The following OR8D1 variants were observed in gnomAD, a reference collection of about 807,000 sequenced individuals.
OR8D1 encodes the protein olfactory receptor family 8 subfamily D member 1, also known as olfactory receptor 8D1.
For synonymous variants in OR8D1, 143 were observed against 147.0 expected (o/e 0.97, Z 0.20); for missense variants, 384 against 366.8 (o/e 1.05, Z -0.38).
chr11:124,311,321 A>T (rs1356998986), intron 2 of OR8D1, among the ~76,000 whole-genome samples: 1 of 152,114 alleles, frequency 6.6e-6, no homozygotes, highest in Non-Finnish European at 1.5e-5. Flanking sequence ...CAGTGTAAAA[A>T]TACTGCAGAA....
rs1449459550 is a variant in OR8D1 at position 124,309,341 on chromosome 11, TTTTTCTTTTC to T, written c.*489_*498del. 6.6e-6 allele frequency: 1 copy of T among 152,284 alleles called. No homozygotes were observed. The highest frequency in any genetic ancestry group is 6.5e-5 in the Admixed American group (1 of 15,290). 9.4% of individuals were successfully genotyped at this position (152,284 alleles called of 1,614,324 possible). The stretch of plus-strand genomic sequence containing the variant: ...TAGAATTGCCATTCTTGTTCTTAAC[TTTTTCTTTTC>T]TTTTCTATTCTTTCCTTTTCTTTTC... On this transcript the variant is annotated 3_prime_UTR_variant, in exon 3 of 3. Transcript: ENST00000641015.
intron 1 of OR8D1, among the ~76,000 whole-genome samples, chr11:124,312,973 A>G (rs1862435597): frequency 6.6e-6 from 1 of 151,790 alleles, no homozygotes; most frequent in Admixed American, 6.6e-5. Flanking sequence ...CAGGAGTTCA[A>G]GATTAGCCTT....
In OR8D1 at chr11:124,308,522, G is replaced by T. The variant is rs1044167456; in HGVS notation, c.*1318C>A. The T allele has an allele frequency of 1.3e-5, 2 of 152,082 alleles. No individual in the cohort carries two copies. Among genetic ancestry groups the T allele is most frequent in the African/African-American group, 4.8e-5 (2 of 41,436 alleles). The allele number at this position is 152,082 out of a possible 1,614,324, so 9.4% of individuals were successfully genotyped here. A position where few individuals can be genotyped will look rare whatever the true frequency, so the allele number is the denominator to read the frequency against. ...ACCTGGTTCAACAAACTGATAGGAA[G>T]ATGTATTCTGGGTGAGATTATCAAA... On this transcript the variant is annotated 3_prime_UTR_variant, in exon 3 of 3. Coordinates refer to ENST00000641015, the MANE Select transcript of OR8D1 (RefSeq NM_001002917.2).
rs1174187462 is a variant in OR8D1 at position 124,308,015 on chromosome 11, A to G, written c.*1825T>C. On this transcript the variant is annotated 3_prime_UTR_variant, in exon 3 of 3. Coordinates refer to ENST00000641015, the MANE Select transcript of OR8D1 (RefSeq NM_001002917.2). ...TGCATCTAAATATACTGAGAAAGAG[A>G]AACAGTTCAATTGAATTATTGCAAA... The G allele has an allele frequency of 6.6e-6, 1 of 152,138 alleles. No homozygotes were observed. Among genetic ancestry groups the G allele is most frequent in the Non-Finnish European group, 1.5e-5 (1 of 68,014 alleles). The allele number at this position is 152,138 out of a possible 1,614,324, so 9.4% of individuals were successfully genotyped here. A position where few individuals can be genotyped will look rare whatever the true frequency, so the allele number is the denominator to read the frequency against.
At chr11:124,310,896 C>T in intron 2 of OR8D1, 114 bp from the exon 3 acceptor site, 1 of 653,222 alleles carries the variant, frequency 1.5e-6, no homozygotes, top group Non-Finnish European at 2.6e-6. Context: ...TCATAGTTTT[C>T]ATTGTCTCTA....
In OR8D1 at chr11:124,310,186, A is replaced by G. The variant is rs4936919; in HGVS notation, c.581T>C (p.Leu194Pro). Reference protein sequence around the residue: ...LLNLSCSNTHLNELLLFIIAG... With the variant: ...LLNLSCSNTHPNELLLFIIAG... ...AATGATAAAAAGTAGAAGCTCATTG[A>G]GGTGTGTGTTGGAGCAGGAGAGATT... The change falls in exon 3 of 3, where the codon CTC becomes CCC. Residue 194 changes from leucine (L) to proline (P), a missense_variant. Leu to Pro is a moderately conservative substitution (Grantham distance 98). Coordinates refer to ENST00000641015, the MANE Select transcript of OR8D1 (RefSeq NM_001002917.2). 0.37 allele frequency: 588,904 copies of G among 1,613,162 alleles called. 110,636 individuals are homozygous for G. Among genetic ancestry groups the G allele is most frequent in the East Asian group, 0.43 (19,260 of 44,732 alleles).
rs1242882016 is a variant in OR8D1 at position 124,305,766 on chromosome 11, C to T, written c.*4074G>A. On this transcript the variant is annotated 3_prime_UTR_variant, in exon 3 of 3. Coordinates refer to ENST00000641015, the MANE Select transcript of OR8D1 (RefSeq NM_001002917.2). ...CCCTTTGAATCCCCTGTATTCAACA[C>T]AGACACACAAAAATAATGTTAAAAC... 2.0e-5 allele frequency: 3 copies of T among 151,810 alleles called. No homozygotes were observed. The highest frequency in any genetic ancestry group is 2.0e-4 in the Admixed American group (3 of 15,192). The allele number at this position is 151,810 out of a possible 1,614,324, so 9.4% of individuals were successfully genotyped here. A position where few individuals can be genotyped will look rare whatever the true frequency, so the allele number is the denominator to read the frequency against.
chr11:124,305,001 T>C lies in OR8D1; in HGVS notation c.*4839A>G, dbSNP rs1365159701. The C allele has an allele frequency of 2.0e-5, 3 of 151,938 alleles. No individual in the cohort carries two copies. Among genetic ancestry groups the C allele is most frequent in the Non-Finnish European group, 2.9e-5 (2 of 67,892 alleles). 9.4% of individuals were successfully genotyped at this position (151,938 alleles called of 1,614,324 possible). On this transcript the variant is annotated 3_prime_UTR_variant, in exon 3 of 3. Coordinates refer to ENST00000641015, the MANE Select transcript of OR8D1 (RefSeq NM_001002917.2). ...CTCCCAGTCACAAAGATAGCTCTTA[T>C]GCTCCCTTCTGTAATCAATCTCTAG...
rs1220997701 is a variant in OR8D1, at chr11:124,305,348, A to G, written c.*4492T>C. 6.6e-6 allele frequency: 1 copy of G among 151,900 alleles called. No homozygotes were observed. Among genetic ancestry groups the G allele is most frequent in the Non-Finnish European group, 1.5e-5 (1 of 67,866 alleles). 9.4% of individuals were successfully genotyped at this position (151,900 alleles called of 1,614,324 possible). ...GAGTATATACTGTATGGCCTTATAA[A>G]CACAAAATTCTTGGAAATGCTAATA... is the stretch of plus-strand genomic sequence containing the variant. On this transcript the variant is annotated 3_prime_UTR_variant, in exon 3 of 3. Coordinates refer to ENST00000641015, the MANE Select transcript of OR8D1 (RefSeq NM_001002917.2).
At position 124,302,841 on chromosome 11, in the gene OR8D1, T is replaced by C. The variant is rs1222429471; in HGVS notation, c.*6999A>G. 1.3e-5 allele frequency: 2 copies of C among 152,128 alleles called. No homozygotes were observed. The highest frequency in any genetic ancestry group is 4.8e-5 in the African/African-American group (2 of 41,450). The allele number at this position is 152,128 out of a possible 1,614,324, so 9.4% of individuals were successfully genotyped here. The stretch of plus-strand genomic sequence containing the variant: ...TTTATTTATTCACATATTTAACTTA[T>C]CTTACTCTCATAACGGTTTTATAAG... On this transcript the variant is annotated 3_prime_UTR_variant, in exon 3 of 3. Coordinates refer to ENST00000641015, the MANE Select transcript of OR8D1 (RefSeq NM_001002917.2).
rs1862360177 is a variant in OR8D1 at position 124,305,372 on chromosome 11, TA to T, written c.*4467del. 1 of 151,644 alleles carries T rather than the reference TA, an allele frequency of 6.6e-6. No individual in the cohort carries two copies. The highest frequency in any genetic ancestry group is 1.9e-4 in the East Asian group (1 of 5,164). The allele number at this position is 151,644 out of a possible 1,614,324, so 9.4% of individuals were successfully genotyped here. On this transcript the variant is annotated 3_prime_UTR_variant, in exon 3 of 3. Transcript: ENST00000641015. Reference sequence around the variant, plus strand: ...AACACAAAATTCTTGGAAATGCTAATAATCTACAATGACAAAAGTGGATTCA... The same window carrying T: ...AACACAAAATTCTTGGAAATGCTAATATCTACAATGACAAAAGTGGATTCA...
intron 1 of OR8D1, among the ~76,000 whole-genome samples, chr11:124,312,965 G>A (rs911849594): frequency 7.6e-4 from 115 of 151,862 alleles, no homozygotes; most frequent in African/African-American, 2.8e-3. Context: ...CCTGAAATCA[G>A]GAGTTCAAGA....
rs1209010527 is a variant in OR8D1 at position 124,306,838 on chromosome 11, T to C, written c.*3002A>G. 6.6e-6 allele frequency: 1 copy of C among 152,020 alleles called. No individual in the cohort carries two copies. The highest frequency in any genetic ancestry group is 1.5e-5 in the Non-Finnish European group (1 of 67,970). 9.4% of individuals were successfully genotyped at this position (152,020 alleles called of 1,614,324 possible). ...CCCTGAGGAGGAACACCTATTACTC[T>C]AATACTCCCGCCTCTGTTTCACACC... On this transcript the variant is annotated 3_prime_UTR_variant, in exon 3 of 3. Coordinates refer to ENST00000641015, the MANE Select transcript of OR8D1 (RefSeq NM_001002917.2).
rs1862395808 is a variant in OR8D1, at chr11:124,309,352, TTTTC to T, written c.*484_*487del. ...TTCTTGTTCTTAACTTTTTCTTTTC[TTTTC>T]TATTCTTTCCTTTTCTTTTCTTTTT... On this transcript the variant is annotated 3_prime_UTR_variant, in exon 3 of 3. Transcript: ENST00000641015. The T allele has an allele frequency of 6.6e-6, 1 of 152,188 alleles. No individual in the cohort carries two copies. The highest frequency in any genetic ancestry group is 1.5e-5 in the Non-Finnish European group (1 of 68,048). 9.4% of individuals were successfully genotyped at this position (152,188 alleles called of 1,614,324 possible). A position where few individuals can be genotyped will look rare whatever the true frequency, so the allele number is the denominator to read the frequency against.
In OR8D1 at chr11:124,303,234, A is replaced by G. The variant is rs1278833236; in HGVS notation, c.*6606T>C. On this transcript the variant is annotated 3_prime_UTR_variant, in exon 3 of 3. Coordinates refer to ENST00000641015, the MANE Select transcript of OR8D1 (RefSeq NM_001002917.2). Reference sequence around the variant, plus strand: ...AGGAAAAACTACCATTTATAAAACCATCAGATCTTGTGAGAATTCACTCAC... The same window carrying G: ...AGGAAAAACTACCATTTATAAAACCGTCAGATCTTGTGAGAATTCACTCAC... 23 of 152,054 alleles carry G rather than the reference A, an allele frequency of 1.5e-4. No individual in the cohort carries two copies. The highest frequency in any genetic ancestry group is 1.5e-3 in the Admixed American group (23 of 15,224). The allele number at this position is 152,054 out of a possible 1,614,324, so 9.4% of individuals were successfully genotyped here.
At chr11:124,312,453 A>G (rs555492558) in intron 1 of OR8D1, among the ~76,000 whole-genome samples, 8 of 151,770 alleles carry the variant, frequency 5.3e-5, no homozygotes, top group African/African-American at 1.9e-4. Context: ...CAGCAGAGCT[A>G]TGCAAGCTGA....
Position 124,305,513 on chromosome 11 carries a change from A to G in OR8D1, c.*4327T>C, listed in dbSNP as rs1385897104. 6.6e-6 allele frequency: 1 copy of G among 151,826 alleles called. No individual in the cohort carries two copies. Among genetic ancestry groups the G allele is most frequent in the African/African-American group, 2.4e-5 (1 of 41,410 alleles). 9.4% of individuals were successfully genotyped at this position (151,826 alleles called of 1,614,324 possible). A position where few individuals can be genotyped will look rare whatever the true frequency, so the allele number is the denominator to read the frequency against. ...AATGACCAATTGTACAAGTCAATATAGTGGGTACTTCTTGAAGATGGGTAT... is the reference window on the plus strand; with the variant it reads ...AATGACCAATTGTACAAGTCAATATGGTGGGTACTTCTTGAAGATGGGTAT... On this transcript the variant is annotated 3_prime_UTR_variant, in exon 3 of 3. Transcript: ENST00000641015.
intron 1 of OR8D1, among the ~76,000 whole-genome samples, chr11:124,313,315 GAAAGAGAA>G (rs1565332407): frequency 0.011 from 1,414 of 131,186 alleles, 26 homozygotes; most frequent in African/African-American, 0.052. Context: ...AGAAAGAAAA[GAAAGAGAA>G]AAAGGAAAGA....
rs558724867 is a variant in OR8D1 at position 124,308,386 on chromosome 11, G to A, written c.*1454C>T. The A allele has an allele frequency of 4.6e-5, 7 of 152,142 alleles. No individual in the cohort carries two copies. Among genetic ancestry groups the A allele is most frequent in the Admixed American group, 1.3e-4 (2 of 15,274 alleles). The allele number at this position is 152,142 out of a possible 1,614,324, so 9.4% of individuals were successfully genotyped here. A position where few individuals can be genotyped will look rare whatever the true frequency, so the allele number is the denominator to read the frequency against. On this transcript the variant is annotated 3_prime_UTR_variant, in exon 3 of 3. Transcript: ENST00000641015. The stretch of plus-strand genomic sequence containing the variant: ...GAATGGGAGGACTTGAGAAGATATA[G>A]GCACTGTATCTGAGAAACTCTAAGA...
Sources: allele counts gnomAD v4.1 joint callset (sites outside exome capture counted in the v4.1 genomes callset), GRCh38; gene constraint gnomAD v4.1.1; transcripts MANE v1.5; gene names NCBI Gene and HGNC (gene_info 2026-07-23, HGNC 2026-07-21).